The following ZCCHC10 variants were observed in gnomAD, a reference collection of about 807,000 sequenced individuals.
ZCCHC10 encodes the protein zinc finger CCHC-type containing 10.
Under a neutral mutation model 19.5 loss-of-function variants are expected in ZCCHC10, and 16 were observed. The ratio of observed to expected loss-of-function variants is 0.82; its 90% confidence interval spans 0.56 to 1.25. The LOEUF (loss-of-function observed/expected upper bound fraction) is 1.25, where lower values mean the gene tolerates loss of function less well. Ranked by LOEUF, ZCCHC10 falls within the 50% of genes most tolerant of loss-of-function variation. The pLI is 0.00. For missense variants in ZCCHC10, 197 were observed against 201.0 expected (o/e 0.98, Z 0.12); for synonymous variants, 67 against 72.5 (o/e 0.92, Z 0.38).
At chr5:133,001,379 A>C (rs1762761522) in intron 3 of ZCCHC10, among the ~76,000 whole-genome samples, 1 of 150,848 alleles carries the variant, frequency 6.6e-6, no homozygotes, top group Non-Finnish European at 1.5e-5. Context: ...CGACAGAGCA[A>C]GACTCTGTCT....
chr5:133,000,187 G>A lies in ZCCHC10; in HGVS notation c.270-14C>T, dbSNP rs766835926. ...GTTTCTCCAATGCTGATAAACACGA[G>A]GGGGAAAAAAGCTCCTGTTAATAGA... On this transcript the variant is annotated splice_polypyrimidine_tract_variant and intron_variant, in intron 3 of 4. Coordinates refer to ENST00000509437, the MANE Select transcript of ZCCHC10 (RefSeq NM_001300816.3). The A allele has an allele frequency of 2.5e-6, 4 of 1,612,500 alleles. No individual in the cohort carries two copies. In the Admixed American group the frequency reaches 6.7e-5, roughly 27 times the overall value.
Position 133,000,467 on chromosome 5 carries a change from C to A in ZCCHC10, c.270-294G>T, listed in dbSNP as rs1373617126. ...ATGATTAAATTTTTTTAGTCTGGAA[C>A]TTAGGCTGATATAGCTGTATCACTA... On this transcript the variant is annotated intron_variant, in intron 3 of 4. Transcript: ENST00000509437. Among the ~76,000 whole-genome samples, 12 of 152,118 alleles carry A rather than the reference C, an allele frequency of 7.9e-5. 1 individual carries two copies. Among genetic ancestry groups the A allele is most frequent in the Admixed American group, 7.9e-4 (12 of 15,250 alleles).
In ZCCHC10 at chr5:133,000,170, A is replaced by C. The variant is rs1178890285; in HGVS notation, c.273T>G (p.Ile91Met). The change falls in exon 4 of 5, where the codon ATT becomes ATG. Residue 91 changes from isoleucine (I) to methionine (M), a missense_variant. Transcript: ENST00000509437. The part of the protein sequence containing the change: ...KENRLLLQQS[I>M]GETNVERKAK... The stretch of plus-strand genomic sequence containing the variant: ...CCTTTCTTTCTACATTGGTTTCTCC[A>C]ATGCTGATAAACACGAGGGGGAAAA... 6.2e-7 allele frequency: 1 copy of C among 1,614,016 alleles called. No homozygotes were observed. The highest frequency in any genetic ancestry group is 8.5e-7 in the Non-Finnish European group (1 of 1,180,000).
intron 1 of ZCCHC10, among the ~76,000 whole-genome samples, chr5:133,023,655 C>T (rs747456622): frequency 2.0e-5 from 3 of 151,688 alleles, no homozygotes; most frequent in African/African-American, 7.3e-5. Flanking sequence ...TGCCTGTAAT[C>T]CCAGCTAAAG....
At chr5:133,009,375 T>C (rs1234042738) in intron 2 of ZCCHC10, among the ~76,000 whole-genome samples, 1 of 151,680 alleles carries the variant, frequency 6.6e-6, no homozygotes, top group East Asian at 2.0e-4. Flanking sequence ...CCCAGCACTT[T>C]GTGGGGCTGA....
intron 2 of ZCCHC10, among the ~76,000 whole-genome samples, chr5:133,013,202 G>A (rs1763683822): frequency 6.8e-6 from 1 of 147,058 alleles, no homozygotes; most frequent in Non-Finnish European, 1.5e-5. Context: ...AGATTGCAGT[G>A]AGCCGAGATA....
At chr5:133,001,138 A>G (rs1040982729) in intron 3 of ZCCHC10, among the ~76,000 whole-genome samples, 9 of 151,826 alleles carry the variant, frequency 5.9e-5, no homozygotes, top group Non-Finnish European at 1.3e-4. Flanking sequence ...CTGTAATCCC[A>G]GCAGTTTGGG....
chr5:133,007,044 A>G (rs1278238627), intron 2 of ZCCHC10, 124 bp from the exon 3 acceptor site: 4 of 935,412 alleles, frequency 4.3e-6, no homozygotes, highest in Non-Finnish European at 4.5e-6. Context: ...ATAAAAATCA[A>G]CATTTTACCC....
At chr5:133,007,871 A>G (rs1292075074) in intron 2 of ZCCHC10, among the ~76,000 whole-genome samples, 1 of 152,254 alleles carries the variant, frequency 6.6e-6, no homozygotes, top group East Asian at 1.9e-4. Flanking sequence ...GGGCATTCAG[A>G]CTACTTTCCA....
At position 133,009,929 on chromosome 5, in the gene ZCCHC10, CT is replaced by C. The variant is rs145833766; in HGVS notation, c.108-3010del. 8.8e-3 allele frequency among the ~76,000 whole-genome samples: 1,336 copies of C among 152,138 alleles called. 15 individuals are homozygous for C. The highest frequency in any genetic ancestry group is 0.031 in the African/African-American group (1,293 of 41,504). Reference sequence around the variant, plus strand: ...AAGAATTGAAAAGGAAGAAATAAACCTGTCATTTCTTATCGATAAAGTGTTA... The same window carrying C: ...AAGAATTGAAAAGGAAGAAATAAACCGTCATTTCTTATCGATAAAGTGTTA... On this transcript the variant is annotated intron_variant, in intron 2 of 4. Coordinates refer to ENST00000509437, the MANE Select transcript of ZCCHC10 (RefSeq NM_001300816.3).
chr5:133,015,354 C>T (rs1763853505), intron 2 of ZCCHC10, among the ~76,000 whole-genome samples: 1 of 152,160 alleles, frequency 6.6e-6, no homozygotes, highest in African/African-American at 2.4e-5. Flanking sequence ...GCTGGGATTA[C>T]AGGCAGAAGC....
intron 3 of ZCCHC10, chr5:133,003,123 C>T: frequency 3.3e-6 from 1 of 305,024 alleles, no homozygotes; most frequent in South Asian, 3.5e-5. Flanking sequence ...CAAACATTCT[C>T]CGCCAGATCA....
intron 3 of ZCCHC10, among the ~76,000 whole-genome samples, chr5:133,000,797 C>T (rs550918907): frequency 1.3e-5 from 2 of 151,886 alleles, no homozygotes; most frequent in African/African-American, 4.8e-5. Context: ...TGTGTGTCAC[C>T]AAGCCCGGCT....
intron 2 of ZCCHC10, among the ~76,000 whole-genome samples, chr5:133,013,261 G>GAA (rs1184937706): frequency 0.042 from 3,725 of 88,720 alleles, 251 homozygotes; most frequent in African/African-American, 0.13. Context: ...CCATCTCCAA[G>GAA]AAAAAAAAAA....
At chr5:133,014,800 T>C (rs1190227725) in intron 2 of ZCCHC10, among the ~76,000 whole-genome samples, 1 of 152,164 alleles carries the variant, frequency 6.6e-6, no homozygotes, top group Non-Finnish European at 1.5e-5. Flanking sequence ...GACCATCAGT[T>C]TTGCTGTATT....
intron 2 of ZCCHC10, among the ~76,000 whole-genome samples, chr5:133,022,041 C>T (rs1158101530): frequency 6.6e-6 from 1 of 152,148 alleles, no homozygotes; most frequent in Non-Finnish European, 1.5e-5. Flanking sequence ...GTCATCCACC[C>T]ACCATGGGCC....
intron 2 of ZCCHC10, among the ~76,000 whole-genome samples, chr5:133,020,093 A>G (rs1391895024): frequency 1.3e-5 from 2 of 152,148 alleles, no homozygotes; most frequent in African/African-American, 2.4e-5. Flanking sequence ...CACTTTGGGA[A>G]ACAGAGGTGG....
intron 2 of ZCCHC10, among the ~76,000 whole-genome samples, chr5:133,017,043 T>C (rs1377501332): frequency 6.6e-6 from 1 of 152,096 alleles, no homozygotes; most frequent in Admixed American, 6.6e-5. Context: ...GAAACAACTT[T>C]TGTTAAACTG....
At chr5:133,016,066 C>A (rs1018026964) in intron 2 of ZCCHC10, among the ~76,000 whole-genome samples, 5 of 152,110 alleles carry the variant, frequency 3.3e-5, no homozygotes, top group Admixed American at 2.0e-4. Context: ...TTTGACATGG[C>A]TCCTTTATTA....
Sources: gnomAD v4.1 joint callset for allele counts (sites outside exome capture counted in the v4.1 genomes callset) on GRCh38, gnomAD v4.1.1 for gene constraint, MANE v1.5 for transcripts, NCBI Gene and HGNC (gene_info 2026-07-23, HGNC 2026-07-21) for gene names.